The following ACACB variants were observed in gnomAD, a reference collection of about 807,000 sequenced individuals.
The protein encoded by ACACB is acetyl-CoA carboxylase 2.
In ACACB, 209 loss-of-function variants were observed where a neutral mutation model predicts 278.8. The observed-to-expected ratio is 0.75, with a 90% CI of 0.67 to 0.84. The LOEUF (loss-of-function observed/expected upper bound fraction) is 0.84, where lower values mean the gene tolerates loss of function less well. Ranked by LOEUF, ACACB falls within the 40% of genes least tolerant of loss-of-function variation. The pLI, the probability that ACACB is intolerant of heterozygous loss-of-function variation, is 0.00. For missense variants in ACACB, 2,850 were observed against 3,269.0 expected, an observed-to-expected ratio of 0.87 and a Z score of 3.13; for synonymous variants, 1,174 against 1,285.6, an observed-to-expected ratio of 0.91 and a Z score of 1.86.
chr12:109,264,082 T>C, intron 49 of ACACB, 150 bp from the exon 50 acceptor site: 1 of 916,258 alleles, frequency 1.1e-6, no homozygotes, highest in Non-Finnish European at 1.7e-6. Flanking sequence ...GCAGCAGGGG[T>C]AATATCAGAG....
At chr12:109,226,240 C>T (rs1218143699) in intron 27 of ACACB, among the ~76,000 whole-genome samples, 2 of 152,118 alleles carry the variant, frequency 1.3e-5, no homozygotes, top group Admixed American at 6.6e-5. Flanking sequence ...CACTGTACTC[C>T]AGCCTGGGTG....
chr12:109,201,488 C>T, intron 18 of ACACB, 79 bp from the exon 19 acceptor site: 2 of 1,563,966 alleles, frequency 1.3e-6, no homozygotes. Context: ...CGCGTCCCTG[C>T]TCCGGCATCA....
chr12:109,197,300 T>A, intron 17 of ACACB, 147 bp downstream of exon 17: 1 of 1,045,688 alleles, frequency 9.6e-7, no homozygotes, highest in Non-Finnish European at 1.3e-6. Context: ...GCAGAGAAGT[T>A]AATCTCTTGG....
At chr12:109,119,033 G>C (rs561271522) in intron 1 of ACACB, among the ~76,000 whole-genome samples, 1 of 152,302 alleles carries the variant, frequency 6.6e-6, no homozygotes, top group South Asian at 2.1e-4. Flanking sequence ...TTATTGGGTA[G>C]TTGGCATACC....
intron 6 of ACACB, among the ~76,000 whole-genome samples, chr12:109,172,574 A>G (rs2044154877): frequency 6.6e-6 from 1 of 152,210 alleles, no homozygotes; most frequent in Non-Finnish European, 1.5e-5. Context: ...TCAAAGGAAG[A>G]CACACAGGCA....
At chr12:109,211,510 C>T (rs1383246303) in intron 21 of ACACB, among the ~76,000 whole-genome samples, 3 of 152,138 alleles carry the variant, frequency 2.0e-5, no homozygotes, top group Non-Finnish European at 4.4e-5. Flanking sequence ...GCCTCGGCCT[C>T]CCAGAGTGCT....
In ACACB at chr12:109,265,157, G is replaced by A; in HGVS notation, c.6990G>A (p.Leu2330=). The A allele has an allele frequency of 6.2e-7, 1 of 1,613,838 alleles. No individual in the cohort carries two copies. The highest frequency in any genetic ancestry group is 8.5e-7 in the Non-Finnish European group (1 of 1,179,956). Residue 2330 remains leucine, a synonymous_variant, in exon 51 of 53, where the codon CTG becomes CTA. Transcript: ENST00000338432. ...KTARTFLYWR[L]RRLLLEDQVK... is the part of the protein sequence containing the mutation. ...CACGCACCTTCCTGTATTGGCGTCTGCGCCGCCTCCTCCTGGAGGACCAGG... is the reference window on the plus strand; with the variant it reads ...CACGCACCTTCCTGTATTGGCGTCTACGCCGCCTCCTCCTGGAGGACCAGG...
chr12:109,210,158 T>C (rs1174007240), intron 21 of ACACB, among the ~76,000 whole-genome samples: 3 of 61,612 alleles, frequency 4.9e-5, no homozygotes, highest in South Asian at 4.7e-4. Flanking sequence ...TATACACACG[T>C]GTGTATATGT....
chr12:109,207,868 C>T lies in ACACB; in HGVS notation c.3060+1012C>T, dbSNP rs930749205. On this transcript the variant is annotated intron_variant, in intron 20 of 52. Transcript: ENST00000338432. ...TAATTTTTGTATTTTTTAGTAGAGA[C>T]GGGGTTCTACCGTGTTGGCCAGGCT... Among the ~76,000 whole-genome samples, 8 of 151,944 alleles carry T rather than the reference C, an allele frequency of 5.3e-5. No individual in the cohort carries two copies. In the South Asian group the frequency reaches 8.3e-4, roughly 16 times the overall value.
At chr12:109,244,260 A>G (rs1206184327) in intron 37 of ACACB, among the ~76,000 whole-genome samples, 3 of 152,216 alleles carry the variant, frequency 2.0e-5, no homozygotes, top group East Asian at 3.8e-4. Context: ...CATAGAGGAT[A>G]TGAAAGAGTA....
At position 109,188,171 on chromosome 12, in the gene ACACB, CTCCTTCCTTCCTTCCTTCCTTCCTTCCT is replaced by C. The variant is rs373209583; in HGVS notation, c.2144+45_2144+72del. ...CGGGAAGAGGCCATTTCGTCAGTATCTCCTTCCTTCCTTCCTTCCTTCCTTCCTTCCTTCCTTCCTTCCTTCCTTCCTT... is the reference window on the plus strand; with the variant it reads ...CGGGAAGAGGCCATTTCGTCAGTATCTCCTTCCTTCCTTCCTTCCTTCCTT... On this transcript the variant is annotated intron_variant, in intron 13 of 52. Transcript: ENST00000338432. 1.6e-4 allele frequency: 220 copies of C among 1,357,116 alleles called. No individual in the cohort carries two copies. The Middle Eastern group carries it at 2.4e-3, about 15-fold the overall frequency. 84.1% of individuals were successfully genotyped at this position (1,357,116 alleles called of 1,614,324 possible). A position where few individuals can be genotyped will look rare whatever the true frequency, so the allele number is the denominator to read the frequency against.
At chr12:109,237,658 A>G (rs1225384313) in intron 34 of ACACB, among the ~76,000 whole-genome samples, 1 of 152,196 alleles carries the variant, frequency 6.6e-6, no homozygotes, top group Admixed American at 6.5e-5. Flanking sequence ...TGGTTTGTTC[A>G]GGGAATTTCT....
intron 2 of ACACB, among the ~76,000 whole-genome samples, chr12:109,149,750 C>T (rs1317781541): frequency 1.3e-5 from 2 of 152,198 alleles, no homozygotes; most frequent in African/African-American, 4.8e-5. Flanking sequence ...TGCAACCCCT[C>T]TGGGTGCCAG....
rs566579431 is a variant in ACACB at position 109,172,839 on chromosome 12, A to G, written c.1117+483A>G. ...GGGTATATACCCAGAGGAATTTAAA[A>G]TCATTCGACCATAAAGACGCATGAA... is the stretch of plus-strand genomic sequence containing the variant. On this transcript the variant is annotated intron_variant, in intron 6 of 52. Transcript: ENST00000338432. Among the ~76,000 whole-genome samples the G allele has an allele frequency of 2.6e-5, 4 of 152,350 alleles. No individual in the cohort carries two copies. The South Asian group carries it at 8.3e-4, about 32-fold the overall frequency.
intron 1 of ACACB, among the ~76,000 whole-genome samples, chr12:109,133,771 A>G (rs1357919047): frequency 6.7e-6 from 1 of 149,576 alleles, no homozygotes; most frequent in Non-Finnish European, 1.5e-5. Flanking sequence ...AGTTTCAGAA[A>G]TGAAAACTTT....
At position 109,191,924 on chromosome 12, in the gene ACACB, G is replaced by A; in HGVS notation, c.2373G>A (p.Met791Ile). ...NVADAMFRTC[M>I]TDFLHSLERG... ...CCGATGCGATGTTCAGAACGTGCAT[G>A]ACAGATTTCTTACACTCCCTGGAAA... The change falls in exon 15 of 53, where the codon ATG (methionine) becomes ATA (isoleucine). Residue 791 changes from methionine (M) to isoleucine (I), a missense_variant. Met to Ile is a conservative substitution (Grantham distance 10). Around this residue, in one of 3 missense-constraint regions of ACACB, gnomAD observed 2,265 missense variants for 2,561.3 expected, o/e 0.88. Transcript: ENST00000338432. 6.2e-7 allele frequency: 1 copy of A among 1,614,196 alleles called. No individual in the cohort carries two copies. The highest frequency in any genetic ancestry group is 8.5e-7 in the Non-Finnish European group (1 of 1,180,046).
At chr12:109,124,239 C>A (rs533126924) in intron 1 of ACACB, among the ~76,000 whole-genome samples, 3 of 152,224 alleles carry the variant, frequency 2.0e-5, no homozygotes, top group East Asian at 3.9e-4. Flanking sequence ...TAAGTCTCCT[C>A]ATCTGTAATA....
chr12:109,221,627 A>G (rs1226582155), intron 24 of ACACB, among the ~76,000 whole-genome samples: 1 of 152,204 alleles, frequency 6.6e-6, no homozygotes, highest in East Asian at 1.9e-4. Flanking sequence ...TCAGGCAGCA[A>G]TGTGTAGGGG....
At chr12:109,262,555 T>A in intron 49 of ACACB, 86 bp downstream of exon 49, 1 of 765,158 alleles carries the variant, frequency 1.3e-6, no homozygotes, top group Admixed American at 2.8e-5. Context: ...ATGTTAAAAA[T>A]AAAATGAAAA....
Sources: gnomAD v4.1 joint callset for allele counts (sites outside exome capture counted in the v4.1 genomes callset) on GRCh38, gnomAD v4.1.1 for gene constraint, gnomAD v4.1.1 regional missense constraint, MANE v1.5 for transcripts, NCBI Gene and HGNC (gene_info 2026-07-23, HGNC 2026-07-21) for gene names.